MME: variants seen among roughly 807,000 people sequenced by gnomAD.
MME encodes membrane metalloendopeptidase.
Under a neutral mutation model 113.2 loss-of-function variants are expected in MME, and 98 were observed. The observed-to-expected ratio is 0.87, with a 90% CI of 0.74 to 1.02. The LOEUF (loss-of-function observed/expected upper bound fraction) is 1.02, where lower values mean the gene tolerates loss of function less well. MME is among the 50% of genes least tolerant of loss of function. The pLI is 0.00. For missense variants in MME, 836 were observed against 896.0 expected (o/e 0.93, Z 0.86); for synonymous variants, 292 against 300.6 (o/e 0.97, Z 0.30).
chr3:155,071,274 G>C lies in MME; in HGVS notation c.-10-12884G>C, dbSNP rs557754963. Among the ~76,000 whole-genome samples, 8 of 152,326 alleles carry C rather than the reference G, an allele frequency of 5.3e-5. No homozygotes were observed. In the South Asian group the frequency reaches 1.7e-3, roughly 32 times the overall value. On this transcript the variant is annotated intron_variant, in intron 1 of 22. Transcript: ENST00000492661. ...AAGCATATCTCTGTAACTGAGCTTA[G>C]TCACATCCTCATACGCGTAGCACGT...
At chr3:155,169,178 C>G (rs1219125253) in intron 20 of MME, among the ~76,000 whole-genome samples, 1 of 152,102 alleles carries the variant, frequency 6.6e-6, no homozygotes, top group Non-Finnish European at 1.5e-5. Flanking sequence ...ATATAAGAAA[C>G]AGGACCTTCA....
chr3:155,168,242 C>G (rs1191925560), intron 18 of MME, among the ~76,000 whole-genome samples: 2 of 152,162 alleles, frequency 1.3e-5, no homozygotes, highest in African/African-American at 4.8e-5. Flanking sequence ...GTCTGGCGGC[C>G]TCTTCTGAGA....
chr3:155,043,997 C>T (rs1713453072), intron 1 of MME, among the ~76,000 whole-genome samples: 1 of 152,012 alleles, frequency 6.6e-6, no homozygotes, highest in South Asian at 2.1e-4. Flanking sequence ...TATTCATAAG[C>T]CAGCTTCCAT....
intron 1 of MME, among the ~76,000 whole-genome samples, chr3:155,053,165 G>A (rs138663371): frequency 1.2e-4 from 19 of 152,112 alleles, no homozygotes; most frequent in South Asian, 2.1e-4. Flanking sequence ...GTCTTCTTCC[G>A]AGCCCACCAA....
At chr3:155,126,478 C>T (rs934697424) in intron 8 of MME, among the ~76,000 whole-genome samples, 12 of 151,748 alleles carry the variant, frequency 7.9e-5, no homozygotes, top group African/African-American at 2.9e-4. Context: ...TAATCTCAAA[C>T]AGGTCACAAA....
At position 155,168,582 on chromosome 3, in the gene MME, A is replaced by G. The variant is rs1352030479; in HGVS notation, c.1871A>G (p.Tyr624Cys). ...NFKEQSQCMV[Y>C]QYGNFSWDLA... is the part of the protein sequence containing the mutation. Reference sequence around the variant, plus strand: ...AAGGAGCAATCCCAGTGCATGGTGTATCAGTATGGAAACTTTTCCTGGGAC... The same window carrying G: ...AAGGAGCAATCCCAGTGCATGGTGTGTCAGTATGGAAACTTTTCCTGGGAC... Residue 624 changes from tyrosine to cysteine, a missense_variant, in exon 19 of 23, where the codon TAT becomes TGT. Tyr to Cys is a radical substitution (Grantham distance 194). Transcript: ENST00000360490. 2.5e-6 allele frequency: 4 copies of G among 1,613,772 alleles called. No homozygotes were observed. In the African/African-American group the frequency reaches 5.3e-5, roughly 22 times the overall value.
chr3:155,096,606 T>C (rs759256036), intron 3 of MME, among the ~76,000 whole-genome samples: 4 of 152,158 alleles, frequency 2.6e-5, no homozygotes, highest in Non-Finnish European at 4.4e-5. Context: ...GATCACTGAA[T>C]AGAAATAAAG....
intron 3 of MME, 38 bp from the exon 4 acceptor site, chr3:155,114,956 A>G: frequency 6.2e-7 from 1 of 1,608,622 alleles, no homozygotes; most frequent in Non-Finnish European, 8.5e-7. Flanking sequence ...TAAGAAATAA[A>G]CCCATCATTT....
At chr3:155,041,600 G>C (rs1476888383) in intron 1 of MME, among the ~76,000 whole-genome samples, 4 of 152,110 alleles carry the variant, frequency 2.6e-5, no homozygotes, top group Non-Finnish European at 5.9e-5. Context: ...TCTTGAAGAT[G>C]GTGGTTCATA....
intron 16 of MME, among the ~76,000 whole-genome samples, chr3:155,150,310 C>G (rs1721828594): frequency 6.6e-6 from 1 of 152,168 alleles, no homozygotes. Context: ...ATAATTTACA[C>G]TGTTCATTCC....
At chr3:155,126,457 A>G (rs904718988) in intron 8 of MME, among the ~76,000 whole-genome samples, 1 of 151,934 alleles carries the variant, frequency 6.6e-6, no homozygotes, top group African/African-American at 2.4e-5. Context: ...TTTATACTCA[A>G]TGCTATCCCA....
upstream of MME, among the ~76,000 whole-genome samples, chr3:155,076,620 A>T (rs957488907): frequency 6.6e-6 from 1 of 152,218 alleles, no homozygotes; most frequent in Non-Finnish European, 1.5e-5. Context: ...GTTTATTAGG[A>T]AAGTAAAGGA....
intron 1 of MME, among the ~76,000 whole-genome samples, chr3:155,060,128 C>G (rs1714084771): frequency 6.6e-6 from 1 of 152,140 alleles, no homozygotes; most frequent in African/African-American, 2.4e-5. Context: ...ATCTTCATAC[C>G]TGCCCTTTGG....
At chr3:155,091,035 C>G (rs1368556565) in intron 3 of MME, among the ~76,000 whole-genome samples, 6 of 152,180 alleles carry the variant, frequency 3.9e-5, no homozygotes, top group Admixed American at 2.6e-4. Flanking sequence ...GCTACTGGCC[C>G]TGTAGCAGCC....
intron 17 of MME, among the ~76,000 whole-genome samples, chr3:155,163,868 C>T (rs767668139): frequency 7.2e-5 from 11 of 152,112 alleles, no homozygotes; most frequent in African/African-American, 2.7e-4. Context: ...TTAGACTATG[C>T]ATGGTGGCTC....
chr3:155,176,124 C>T (rs1006951791), intron 22 of MME, among the ~76,000 whole-genome samples: 1 of 152,138 alleles, frequency 6.6e-6, no homozygotes, highest in African/African-American at 2.4e-5. Flanking sequence ...CCAAGTCATT[C>T]ATTTACAAGA....
chr3:155,161,199 T>C (rs1398738037), intron 17 of MME, among the ~76,000 whole-genome samples: 1 of 152,062 alleles, frequency 6.6e-6, no homozygotes, highest in Non-Finnish European at 1.5e-5. Flanking sequence ...ATCACATACA[T>C]TGGCTCATTT....
chr3:155,089,904 G>A (rs746813916), intron 3 of MME: 40 of 446,784 alleles, frequency 9.0e-5, no homozygotes, highest in Admixed American at 5.2e-4. Flanking sequence ...AGGTTGAAGC[G>A]AGCCAAGATT....
At chr3:155,046,547 G>A (rs751637380) in intron 1 of MME, among the ~76,000 whole-genome samples, 8 of 152,112 alleles carry the variant, frequency 5.3e-5, no homozygotes, top group Non-Finnish European at 1.0e-4. Context: ...AAAATTAGGT[G>A]GGCGTGGTGG....
Sources: allele counts gnomAD v4.1 joint callset (sites outside exome capture counted in the v4.1 genomes callset), GRCh38; gene constraint gnomAD v4.1.1; transcripts MANE v1.5; gene names NCBI Gene and HGNC (gene_info 2026-07-23, HGNC 2026-07-21).